The following GAS2 variants were observed in gnomAD, a reference collection of about 807,000 sequenced individuals.
GAS2 encodes the protein growth arrest-specific protein 2.
Under a neutral mutation model 37.5 loss-of-function variants are expected in GAS2, and 20 were observed. The ratio of observed to expected loss-of-function variants is 0.53; its 90% CI spans 0.37 to 0.77. The LOEUF (loss-of-function observed/expected upper bound fraction) is 0.77. Ranked by LOEUF, GAS2 falls within the 30% of genes least tolerant of loss-of-function variation. The probability of loss-of-function intolerance (pLI) is 0.00; values close to 1 mark genes in which losing one functional copy is unlikely to be tolerated. For missense variants in GAS2, 336 were observed against 373.4 expected, an observed-to-expected ratio of 0.90 and a Z score of 0.82; for synonymous variants, 144 against 132.2, an observed-to-expected ratio of 1.09 and a Z score of -0.61.
intron 1 of GAS2, among the ~76,000 whole-genome samples, chr11:22,654,399 T>C (rs929679623): frequency 2.6e-5 from 4 of 151,910 alleles, no homozygotes; most frequent in Non-Finnish European, 4.4e-5. Context: ...CTTCTTTCCT[T>C]CTTTTTTCTT....
At chr11:22,721,966 C>A (rs1417852828) in intron 3 of GAS2, among the ~76,000 whole-genome samples, 1 of 151,874 alleles carries the variant, frequency 6.6e-6, no homozygotes, top group South Asian at 2.1e-4. Context: ...TTAATTTGCA[C>A]CCCCATACAC....
At chr11:22,757,152 AT>A (rs1461655905) in intron 7 of GAS2, among the ~76,000 whole-genome samples, 1 of 152,122 alleles carries the variant, frequency 6.6e-6, no homozygotes, top group Non-Finnish European at 1.5e-5. Flanking sequence ...TGATTAATAA[AT>A]TATATACTTC....
At chr11:22,749,356 T>C in intron 6 of GAS2, 95 bp downstream of exon 6, 1 of 1,121,192 alleles carries the variant, frequency 8.9e-7, no homozygotes, top group Non-Finnish European at 1.2e-6. Context: ...AATCTTTACC[T>C]ATATCAATTT....
chr11:22,752,013 T>A (rs1272043133), intron 6 of GAS2, among the ~76,000 whole-genome samples: 2 of 152,168 alleles, frequency 1.3e-5, no homozygotes, highest in Admixed American at 6.6e-5. Context: ...TAATCAAATG[T>A]AGGAAATATA....
chr11:22,697,086 T>C (rs1850564543), intron 3 of GAS2, among the ~76,000 whole-genome samples: 1 of 152,328 alleles, frequency 6.6e-6, no homozygotes, highest in Admixed American at 6.5e-5. Context: ...GGTCTAAGGT[T>C]TAAGTCTTTA....
chr11:22,794,526 C>T (rs1439898938), intron 7 of GAS2, among the ~76,000 whole-genome samples: 1 of 152,134 alleles, frequency 6.6e-6, no homozygotes, highest in African/African-American at 2.4e-5. Context: ...CCTTCCCCCA[C>T]TCACCACACA....
chr11:22,783,056 A>T (rs1855641258), intron 7 of GAS2, among the ~76,000 whole-genome samples: 2 of 152,078 alleles, frequency 1.3e-5, no homozygotes. Flanking sequence ...TAATTTACAT[A>T]CCTCACCAAC....
chr11:22,632,683 C>T (rs141382340), intron 1 of GAS2, among the ~76,000 whole-genome samples: 81 of 152,050 alleles, frequency 5.3e-4, no homozygotes, highest in African/African-American at 1.8e-3. Flanking sequence ...CACTCAGGAG[C>T]ATCAATAATT....
At chr11:22,788,225 A>G (rs1400572186) in intron 7 of GAS2, among the ~76,000 whole-genome samples, 1 of 152,262 alleles carries the variant, frequency 6.6e-6, no homozygotes, top group African/African-American at 2.4e-5. Context: ...GCCAAGAGAC[A>G]TGAGAAACAA....
At chr11:22,740,619 G>T (rs1404891489) in intron 5 of GAS2, among the ~76,000 whole-genome samples, 1 of 152,022 alleles carries the variant, frequency 6.6e-6, no homozygotes, top group African/African-American at 2.4e-5. Flanking sequence ...TTTTGATTTT[G>T]TTGCAAATTC....
intron 2 of GAS2, among the ~76,000 whole-genome samples, chr11:22,682,160 C>T (rs543590012): frequency 5.3e-5 from 8 of 151,952 alleles, no homozygotes; most frequent in Admixed American, 2.6e-4. Context: ...ATATATTTTT[C>T]ATTAGATACA....
chr11:22,768,000 T>C (rs1022847353), intron 7 of GAS2, among the ~76,000 whole-genome samples: 1 of 152,196 alleles, frequency 6.6e-6, no homozygotes, highest in African/African-American at 2.4e-5. Flanking sequence ...ACCTCCTTCA[T>C]CTAAACGGCC....
Position 22,689,970 on chromosome 11 carries a change from CAG to C in GAS2, c.267+4183_267+4184del, listed in dbSNP as rs1337852202. On this transcript the variant is annotated intron_variant, in intron 3 of 7. Coordinates refer to ENST00000454584, the MANE Select transcript of GAS2 (RefSeq NM_001143830.3). ...AACTGTGCATAGGGAGATGTTGAAA[CAG>C]AATTACTTTTAAAAAATTGACAAAC... 2.6e-5 allele frequency among the ~76,000 whole-genome samples: 4 copies of C among 152,146 alleles called. 1 individual carries two copies. Among genetic ancestry groups the C allele is most frequent in the Admixed American group, 2.0e-4 (3 of 15,262 alleles).
intron 1 of GAS2, among the ~76,000 whole-genome samples, chr11:22,631,946 CTTTTTTT>C (rs35928910): frequency 1.2e-5 from 1 of 82,968 alleles, no homozygotes; most frequent in African/African-American, 4.3e-5. Flanking sequence ...TGGCCCTGGA[CTTTTTTT>C]TTTTTTTTTT....
chr11:22,792,189 G>C (rs528547714), intron 7 of GAS2, among the ~76,000 whole-genome samples: 3 of 151,972 alleles, frequency 2.0e-5, no homozygotes, highest in Non-Finnish European at 4.4e-5. Flanking sequence ...TGAGAGAGGT[G>C]GACTAAACAA....
rs1857218113 is a variant in GAS2, at chr11:22,812,289, A to G, written c.*273A>G. 3.2e-6 allele frequency: 1 copy of G among 313,014 alleles called. No homozygotes were observed. Among genetic ancestry groups the G allele is most frequent in the Non-Finnish European group, 5.9e-6 (1 of 169,826 alleles). The allele number at this position is 313,014 out of a possible 1,614,324, so 19.4% of individuals were successfully genotyped here. Reference sequence around the variant, plus strand: ...TATGCGAACACAGTATTTAGAACACAATATTAGAAACACAATTCTAACTAA... The same window carrying G: ...TATGCGAACACAGTATTTAGAACACGATATTAGAAACACAATTCTAACTAA... On this transcript the variant is annotated 3_prime_UTR_variant, in exon 8 of 8. Transcript: ENST00000454584.
chr11:22,795,953 C>T lies in GAS2; in HGVS notation c.724-15845C>T, dbSNP rs565873035. On this transcript the variant is annotated intron_variant, in intron 7 of 7. Transcript: ENST00000454584. ...CAGATTGCATTTTAGATGTATTTTT[C>T]CTCCAATATTTTACTGTGAAAATTT... is the stretch of plus-strand genomic sequence containing the variant. 2.6e-5 allele frequency among the ~76,000 whole-genome samples: 4 copies of T among 152,198 alleles called. No homozygotes were observed. In the South Asian group the frequency reaches 6.2e-4, roughly 24 times the overall value.
rs541319446 is a variant in GAS2 at position 22,794,645 on chromosome 11, G to A, written c.724-17153G>A. Among the ~76,000 whole-genome samples, 14 of 152,102 alleles carry A rather than the reference G, an allele frequency of 9.2e-5. 1 individual carries two copies. The South Asian group carries it at 2.9e-3, about 32-fold the overall frequency. Reference sequence around the variant, plus strand: ...ATAATGATCATGTAAATATTATAGTGCACCATGATTACTTTTCCTTTTTGC... The same window carrying A: ...ATAATGATCATGTAAATATTATAGTACACCATGATTACTTTTCCTTTTTGC... On this transcript the variant is annotated intron_variant, in intron 7 of 7. Coordinates refer to ENST00000454584, the MANE Select transcript of GAS2 (RefSeq NM_001143830.3).
chr11:22,698,060 A>T (rs186539913), intron 3 of GAS2, among the ~76,000 whole-genome samples: 6 of 152,192 alleles, frequency 3.9e-5, no homozygotes, highest in Non-Finnish European at 7.3e-5. Context: ...TTGCCCATTC[A>T]GTATGATATT....
Sources: allele counts gnomAD v4.1 joint callset (sites outside exome capture counted in the v4.1 genomes callset), GRCh38; gene constraint gnomAD v4.1.1; transcripts MANE v1.5; gene names NCBI Gene and HGNC (gene_info 2026-07-23, HGNC 2026-07-21).